GRIN2A: variants seen among roughly 807,000 people sequenced by gnomAD.
GRIN2A encodes the protein glutamate receptor ionotropic, NMDA 2A.
GRIN2A carries 22 observed loss-of-function variants against 113.4 expected under a neutral mutation model. The ratio of observed to expected loss-of-function variants is 0.19; its 90% CI spans 0.14 to 0.28. GRIN2A has a LOEUF of 0.28. Ranked by LOEUF, GRIN2A falls within the 10% of genes least tolerant of loss-of-function variation. The probability of loss-of-function intolerance (pLI) is 1.00; values close to 1 mark genes in which losing one functional copy is unlikely to be tolerated. For missense variants in GRIN2A, 1,502 were observed against 1,887.0 expected, an observed-to-expected ratio of 0.80 and a Z score of 3.78; for synonymous variants, 827 against 738.4, an observed-to-expected ratio of 1.12 and a Z score of -1.94.
chr16:9,945,329 G>A (rs1430337103), intron 2 of GRIN2A, among the ~76,000 whole-genome samples: 4 of 152,034 alleles, frequency 2.6e-5, no homozygotes, highest in Admixed American at 1.3e-4. Flanking sequence ...GATTAGGGGC[G>A]AGATGAGAGT....
At chr16:9,969,322 T>G (rs1280101092) in intron 2 of GRIN2A, among the ~76,000 whole-genome samples, 1 of 152,184 alleles carries the variant, frequency 6.6e-6, no homozygotes, top group Non-Finnish European at 1.5e-5. Flanking sequence ...TGTCCTTCTC[T>G]TATATCCCCC....
chr16:9,893,818 G>A (rs1286469363), intron 3 of GRIN2A, among the ~76,000 whole-genome samples: 3 of 152,180 alleles, frequency 2.0e-5, no homozygotes, highest in Non-Finnish European at 4.4e-5. Flanking sequence ...TTATAGAGAC[G>A]ACGGTCAAAG....
intron 2 of GRIN2A, among the ~76,000 whole-genome samples, chr16:10,134,441 C>T (rs1325602019): frequency 2.3e-5 from 3 of 129,946 alleles, no homozygotes; most frequent in African/African-American, 9.1e-5. Context: ...AACACTTGGA[C>T]AGAAGGCGGG....
chr16:9,822,512 A>T, intron 9 of GRIN2A, 88 bp from the exon 10 acceptor site: 1 of 891,742 alleles, frequency 1.1e-6, no homozygotes, highest in Non-Finnish European at 1.9e-6. Context: ...TAAATTAGTG[A>T]TCATTTTGTC....
At chr16:9,988,997 T>C (rs927431210) in intron 2 of GRIN2A, among the ~76,000 whole-genome samples, 1 of 152,234 alleles carries the variant, frequency 6.6e-6, no homozygotes, top group African/African-American at 2.4e-5. Context: ...ATGTTGAATC[T>C]TGATACGTGA....
At chr16:10,121,903 C>T (rs1209062507) in intron 2 of GRIN2A, among the ~76,000 whole-genome samples, 1 of 152,096 alleles carries the variant, frequency 6.6e-6, no homozygotes, top group African/African-American at 2.4e-5. Context: ...CAGGCAAAAA[C>T]ATTAAAAGTT....
chr16:9,889,502 C>T (rs2043650758), intron 4 of GRIN2A, among the ~76,000 whole-genome samples: 1 of 151,880 alleles, frequency 6.6e-6, no homozygotes, highest in Non-Finnish European at 1.5e-5. Context: ...TCTTCTACTT[C>T]ATTTGTTCAC....
At position 9,758,439 on chromosome 16, in the gene GRIN2A, C is replaced by A. The variant is rs1900447151; in HGVS notation, c.*4710G>T. 1 of 220,410 alleles carries A rather than the reference C, an allele frequency of 4.5e-6. No homozygotes were observed. Among genetic ancestry groups the A allele is most frequent in the South Asian group, 1.8e-4 (1 of 5,410 alleles). 13.7% of individuals were successfully genotyped at this position (220,410 alleles called of 1,614,324 possible). A position where few individuals can be genotyped will look rare whatever the true frequency, so the allele number is the denominator to read the frequency against. ...TACTTAGGCTCTGTCATCCTCCCTACAACTGAGATTAAAAAAATATAGTGC... is the reference window on the plus strand; with the variant it reads ...TACTTAGGCTCTGTCATCCTCCCTAAAACTGAGATTAAAAAAATATAGTGC... On this transcript the variant is annotated 3_prime_UTR_variant, in exon 13 of 13. Coordinates refer to ENST00000330684, the MANE Select transcript of GRIN2A (RefSeq NM_001134407.3).
chr16:10,073,631 T>G (rs1224869869), intron 2 of GRIN2A, among the ~76,000 whole-genome samples: 2 of 152,014 alleles, frequency 1.3e-5, no homozygotes, highest in South Asian at 2.1e-4. Context: ...GACAAAATAT[T>G]AGACATCCTT....
At chr16:9,977,053 T>A (rs1217249485) in intron 2 of GRIN2A, among the ~76,000 whole-genome samples, 2 of 152,200 alleles carry the variant, frequency 1.3e-5, no homozygotes, top group African/African-American at 4.8e-5. Context: ...CTCTAACTGA[T>A]CATAGTGATT....
intron 5 of GRIN2A, among the ~76,000 whole-genome samples, chr16:9,841,932 C>G (rs1383044787): frequency 6.6e-6 from 1 of 152,168 alleles, no homozygotes; most frequent in African/African-American, 2.4e-5. Flanking sequence ...TCAAAGGACA[C>G]CCAGGCAAAC....
chr16:9,765,835 G>A (rs12935281), intron 12 of GRIN2A, among the ~76,000 whole-genome samples: 21,653 of 152,160 alleles, frequency 0.14, 2,034 homozygotes, highest in Middle Eastern at 0.28. Flanking sequence ...CAGTGACACC[G>A]CCTTTAAATC....
At chr16:10,087,853 ATTTTTTT>A (rs376085870) in intron 2 of GRIN2A, among the ~76,000 whole-genome samples, 8 of 108,466 alleles carry the variant, frequency 7.4e-5, no homozygotes, top group African/African-American at 2.5e-4. Context: ...TGCCCAGCTA[ATTTTTTT>A]TTTTTTTTTT....
intron 4 of GRIN2A, among the ~76,000 whole-genome samples, chr16:9,876,878 A>G (rs1341353701): frequency 1.3e-5 from 2 of 152,160 alleles, no homozygotes; most frequent in Non-Finnish European, 2.9e-5. Context: ...AAATGGTTCA[A>G]TCCCATCAGA....
intron 2 of GRIN2A, among the ~76,000 whole-genome samples, chr16:9,986,040 G>A (rs55750638): frequency 0.11 from 16,523 of 151,816 alleles, 1,168 homozygotes; most frequent in Non-Finnish European, 0.14. Context: ...TAAATTCATA[G>A]GTACAATATG....
intron 2 of GRIN2A, among the ~76,000 whole-genome samples, chr16:10,170,870 CTG>C (rs1232532980): frequency 7.6e-6 from 1 of 131,898 alleles, no homozygotes; most frequent in East Asian, 2.7e-4. Flanking sequence ...GAGTGAAACA[CTG>C]TTTTCTTTAA....
chr16:10,082,557 A>T (rs1005351586), intron 2 of GRIN2A, among the ~76,000 whole-genome samples: 2 of 152,190 alleles, frequency 1.3e-5, no homozygotes, highest in East Asian at 1.9e-4. Context: ...CAAAAGGGAG[A>T]TTACCCAAGG....
chr16:10,132,772 T>C (rs536047357), intron 2 of GRIN2A, among the ~76,000 whole-genome samples: 1 of 152,344 alleles, frequency 6.6e-6, no homozygotes, highest in South Asian at 2.1e-4. Flanking sequence ...GCAGAAGACC[T>C]GGCACTTAAC....
intron 11 of GRIN2A, among the ~76,000 whole-genome samples, chr16:9,773,225 G>A (rs1245922666): frequency 6.6e-6 from 1 of 152,144 alleles, no homozygotes; most frequent in Non-Finnish European, 1.5e-5. Context: ...GCTTAAACTG[G>A]GCAGCATTGC....
Sources: allele counts gnomAD v4.1 joint callset (sites outside exome capture counted in the v4.1 genomes callset), GRCh38; gene constraint gnomAD v4.1.1; transcripts MANE v1.5; gene names NCBI Gene and HGNC (gene_info 2026-07-23, HGNC 2026-07-21).